Variants in LAMA3 observed in about 807,000 individuals in gnomAD.
The protein encoded by LAMA3 is laminin subunit alpha 3, also known as laminin subunit alpha-3.
LAMA3 carries 281 observed loss-of-function variants against 402.0 expected under a neutral mutation model. That is an observed-to-expected ratio of 0.70 (90% CI 0.63 to 0.77). The LOEUF is 0.77. LAMA3 is among the 30% of genes least tolerant of loss of function. LAMA3 has a pLI of 0.00. For missense variants in LAMA3, 3,840 were observed against 4,215.5 expected, an observed-to-expected ratio of 0.91 and a Z score of 2.47; for synonymous variants, 1,431 against 1,558.4, an observed-to-expected ratio of 0.92 and a Z score of 1.93.
rs2145582722 is a variant in LAMA3 at position 23,953,075 on chromosome 18, C to T, written c.9822C>T (p.Ser3274=). 6.2e-7 allele frequency: 1 copy of T among 1,614,156 alleles called. No individual in the cohort carries two copies. Among genetic ancestry groups the T allele is most frequent in the East Asian group, 2.2e-5 (1 of 44,876 alleles). The change falls in exon 74 of 75, where the codon AGC becomes AGT. Residue 3274 remains serine (S), a synonymous_variant. Coordinates refer to ENST00000313654, the MANE Select transcript of LAMA3 (RefSeq NM_198129.4). Reference sequence around the variant, plus strand: ...GACAGATCCCCTTCCCACCTGCCAGCACTCAAGAGCCACTACACCTTGGAG... The same window carrying T: ...GACAGATCCCCTTCCCACCTGCCAGTACTCAAGAGCCACTACACCTTGGAG... ...TAGQIPFPPA[S]TQEPLHLGGA...
Position 23,933,819 on chromosome 18 carries a change from A to T in LAMA3, c.8746A>T (p.Asn2916Tyr). ...TCCTGAAGTCCTAGATTTGACCAGT[A>T]ACTCTCTCAAGAGAGATGTGTCCCT... ...LSPEVLDLTS[N>Y]SLKRDVSLGG... Residue 2916 changes from asparagine to tyrosine, a missense_variant, in exon 67 of 75, where the codon AAC becomes TAC. Transcript: ENST00000313654. 2 of 1,614,150 alleles carry T rather than the reference A, an allele frequency of 1.2e-6. No homozygotes were observed. The highest frequency in any genetic ancestry group is 1.7e-6 in the Non-Finnish European group (2 of 1,179,962).
At chr18:23,862,024 C>G (rs1421126057) in intron 35 of LAMA3, among the ~76,000 whole-genome samples, 3 of 151,888 alleles carry the variant, frequency 2.0e-5, no homozygotes, top group African/African-American at 7.2e-5. Flanking sequence ...CATGAGCTAC[C>G]AGCAAAGGAA....
chr18:23,843,026 G>A (rs188514919), intron 29 of LAMA3, among the ~76,000 whole-genome samples: 15 of 151,854 alleles, frequency 9.9e-5, no homozygotes, highest in African/African-American at 4.8e-5. Context: ...AGCATTTTTC[G>A]CTCCTTTCTT....
chr18:23,946,588 G>A (rs183147331), intron 70 of LAMA3: 103 of 343,630 alleles, frequency 3.0e-4, no homozygotes, highest in African/African-American at 1.9e-3. Flanking sequence ...TAGGTTTTAG[G>A]TTATAGACAG....
intron 34 of LAMA3, among the ~76,000 whole-genome samples, chr18:23,859,572 A>C (rs2064165389): frequency 6.6e-6 from 1 of 152,286 alleles, no homozygotes; most frequent in East Asian, 1.9e-4. Flanking sequence ...ATTGCTGTTT[A>C]TTATAAAGAA....
chr18:23,888,938 T>TAA (rs5823406), intron 41 of LAMA3, among the ~76,000 whole-genome samples: 66,709 of 145,528 alleles, frequency 0.46, 15,505 homozygotes, highest in Middle Eastern at 0.52. Context: ...TATTTGACTT[T>TAA]AAAAAAAAAA....
intron 2 of LAMA3, among the ~76,000 whole-genome samples, chr18:23,725,797 T>C (rs1444342027): frequency 6.6e-6 from 1 of 152,262 alleles, no homozygotes; most frequent in African/African-American, 2.4e-5. Context: ...GGGTGCTTTA[T>C]GTGCCTGTGT....
At chr18:23,829,928 C>G (rs936621338) in intron 23 of LAMA3, among the ~76,000 whole-genome samples, 1 of 152,132 alleles carries the variant, frequency 6.6e-6, no homozygotes, top group Non-Finnish European at 1.5e-5. Flanking sequence ...AGATTGGAAG[C>G]AATTTTTAGC....
At position 23,921,399 on chromosome 18, in the gene LAMA3, A is replaced by G. The variant is rs948810510; in HGVS notation, c.8044-53A>G. 3.1e-6 allele frequency: 5 copies of G among 1,593,152 alleles called. No homozygotes were observed. The Admixed American group carries it at 5.1e-5, about 16-fold the overall frequency. ...ACATGATAGTTCTGAACCCCTGTGA[A>G]TAGGATTCTCTTATTTTCGCTGGCT... On this transcript the variant is annotated intron_variant, in intron 61 of 74. Transcript: ENST00000313654.
At position 23,843,555 on chromosome 18, in the gene LAMA3, C is replaced by A. The variant is rs556464702; in HGVS notation, c.3603+805C>A. ...CTTCCTCTCACTTGGGCAGGGCCAGCCTCCTGGCAGCACTCCCTTCCTGTT... is the reference window on the plus strand; with the variant it reads ...CTTCCTCTCACTTGGGCAGGGCCAGACTCCTGGCAGCACTCCCTTCCTGTT... On this transcript the variant is annotated intron_variant, in intron 29 of 74. Coordinates refer to ENST00000313654, the MANE Select transcript of LAMA3 (RefSeq NM_198129.4). Among the ~76,000 whole-genome samples the A allele has an allele frequency of 9.8e-5, 15 of 152,294 alleles. No homozygotes were observed. In the South Asian group the frequency reaches 2.9e-3, roughly 29 times the overall value.
intron 41 of LAMA3, among the ~76,000 whole-genome samples, chr18:23,888,904 A>G (rs2080536544): frequency 6.6e-6 from 1 of 151,078 alleles, no homozygotes; most frequent in African/African-American, 2.4e-5. Context: ...TGACATCCCA[A>G]CTCCAGGAGC....
intron 2 of LAMA3, among the ~76,000 whole-genome samples, chr18:23,732,866 C>T (rs1011528360): frequency 1.3e-5 from 2 of 152,102 alleles, no homozygotes; most frequent in South Asian, 2.1e-4. Context: ...GCATTAGTAC[C>T]TGGCACAAAC....
Position 23,763,822 on chromosome 18 carries a change from A to G in LAMA3, c.1182+299A>G, listed in dbSNP as rs558642990. Among the ~76,000 whole-genome samples the G allele has an allele frequency of 4.6e-5, 7 of 152,328 alleles. No individual in the cohort carries two copies. In the East Asian group the frequency reaches 5.8e-4, roughly 13 times the overall value. ...CTGGCTGCTATCCAACTTGTGATAG[A>G]AAAACTCTAAGATAGGAGGACAAGT... On this transcript the variant is annotated intron_variant, in intron 8 of 74. Transcript: ENST00000313654.
intron 17 of LAMA3, 44 bp downstream of exon 17, chr18:23,815,617 G>A: frequency 8.1e-7 from 1 of 1,232,634 alleles, no homozygotes; most frequent in Non-Finnish European, 1.2e-6. Flanking sequence ...AGTGTTGATG[G>A]ACAAAGATGG....
At chr18:23,779,210 G>A (rs1256154065) in intron 11 of LAMA3, among the ~76,000 whole-genome samples, 3 of 152,198 alleles carry the variant, frequency 2.0e-5, no homozygotes, top group Admixed American at 6.5e-5. Flanking sequence ...GAGCCATGGA[G>A]AGTTTTGCAC....
rs1377232420 is a variant in LAMA3, at chr18:23,914,578, C to T, written c.7481+17C>T. 6.2e-7 allele frequency: 1 copy of T among 1,612,766 alleles called. No homozygotes were observed. Among genetic ancestry groups the T allele is most frequent in the African/African-American group, 1.3e-5 (1 of 74,912 alleles). On this transcript the variant is annotated intron_variant, in intron 57 of 74. Coordinates refer to ENST00000313654, the MANE Select transcript of LAMA3 (RefSeq NM_198129.4). The stretch of plus-strand genomic sequence containing the variant: ...ATTTCAGAGGTACAAGTCTGATTGA[C>T]TGTACCTGTGCTCACCAAACTTCCA...
At chr18:23,938,604 G>A (rs1001846739) in intron 67 of LAMA3, among the ~76,000 whole-genome samples, 1 of 151,722 alleles carries the variant, frequency 6.6e-6, no homozygotes, top group Non-Finnish European at 1.5e-5. Flanking sequence ...ATGGTTGTTA[G>A]GGGAGGTGGC....
chr18:23,778,297 G>A (rs963175312), intron 11 of LAMA3, among the ~76,000 whole-genome samples: 6 of 152,142 alleles, frequency 3.9e-5, no homozygotes, highest in Admixed American at 3.9e-4. Flanking sequence ...TGGCTGCTGG[G>A]GACTTAGCAG....
At chr18:23,895,133 G>A (rs2080836716) in intron 44 of LAMA3, 75 bp downstream of exon 44, 1 of 1,507,428 alleles carries the variant, frequency 6.6e-7, no homozygotes, top group South Asian at 1.2e-5. Context: ...AAGCAGGAAG[G>A]GAAAGGTTGA....
Sources: gnomAD v4.1 joint callset for allele counts (sites outside exome capture counted in the v4.1 genomes callset) on GRCh38, gnomAD v4.1.1 for gene constraint, MANE v1.5 for transcripts, NCBI Gene and HGNC (gene_info 2026-07-23, HGNC 2026-07-21) for gene names.